TMEM232: variants seen among roughly 807,000 people sequenced by gnomAD.
TMEM232 encodes transmembrane protein 232.
In TMEM232, 80 loss-of-function variants were observed where a neutral mutation model predicts 78.8. The observed-to-expected ratio is 1.01, with a 90% confidence interval of 0.85 to 1.22. The LOEUF (loss-of-function observed/expected upper bound fraction) is 1.22, where lower values mean the gene tolerates loss of function less well. Ranked by LOEUF, TMEM232 falls within the 50% of genes most tolerant of loss-of-function variation. TMEM232 has a pLI of 0.00. For synonymous variants in TMEM232, 297 were observed against 254.3 expected (o/e 1.17, Z -1.60); for missense variants, 881 against 742.2 (o/e 1.19, Z -2.17).
chr5:110,396,321 G>T (rs747255040), intron 3 of TMEM232, among the ~76,000 whole-genome samples: 94 of 152,236 alleles, frequency 6.2e-4, no homozygotes, highest in Non-Finnish European at 1.1e-3. Flanking sequence ...TTCAACATGA[G>T]ATTTGGGTGG....
chr5:110,690,413 A>T (rs1478872561), intron 1 of TMEM232, among the ~76,000 whole-genome samples: 1 of 152,194 alleles, frequency 6.6e-6, no homozygotes, highest in Non-Finnish European at 1.5e-5. Flanking sequence ...GCAAATCAAA[A>T]CCACAATGAG....
At chr5:110,737,585 T>C (rs1799319351) in intron 1 of TMEM232, among the ~76,000 whole-genome samples, 1 of 152,198 alleles carries the variant, frequency 6.6e-6, no homozygotes, top group East Asian at 1.9e-4. Flanking sequence ...GAAAGATAAT[T>C]AAGATTTACC....
In TMEM232 at chr5:110,605,092, A is replaced by C. The variant is rs1781382172; in HGVS notation, c.1276+17T>G. 1 of 1,518,192 alleles carries C rather than the reference A, an allele frequency of 6.6e-7. No homozygotes were observed. Among genetic ancestry groups the C allele is most frequent in the South Asian group, 1.3e-5 (1 of 79,402 alleles). The allele number at this position is 1,518,192 out of a possible 1,614,324, so 94.0% of individuals were successfully genotyped here. On this transcript the variant is annotated intron_variant, in intron 10 of 13. Transcript: ENST00000455884. The stretch of plus-strand genomic sequence containing the variant: ...CTTAAAAATATTACTCATCAAAGTA[A>C]AAAACAATCTACTTACAGTTCTCTG...
intron 8 of TMEM232, among the ~76,000 whole-genome samples, chr5:110,612,576 A>G (rs1229021632): frequency 2.0e-5 from 3 of 152,152 alleles, no homozygotes; most frequent in Non-Finnish European, 4.4e-5. Context: ...GCTGAAAAGG[A>G]AGTGCCTTGC....
At chr5:110,449,522 C>CT (rs112373624) in intron 12 of TMEM232, among the ~76,000 whole-genome samples, 11,025 of 147,210 alleles carry the variant, frequency 0.075, 805 homozygotes, top group East Asian at 0.22. Flanking sequence ...TTTGCTGAGA[C>CT]TTTTTTTTTT....
At chr5:110,451,857 T>C (rs2416237) in intron 12 of TMEM232, among the ~76,000 whole-genome samples, 15,793 of 152,078 alleles carry the variant, frequency 0.1, 2,020 homozygotes, top group African/African-American at 0.31. Context: ...ATATTTTAAG[T>C]ATGATATCTT....
chr5:110,528,443 T>C (rs996881630), intron 12 of TMEM232, 145 bp downstream of exon 12: 9 of 584,642 alleles, frequency 1.5e-5, no homozygotes, highest in South Asian at 9.6e-5. Flanking sequence ...AGCTCAATGA[T>C]AGATCATCTA....
chr5:110,700,379 A>T (rs1795291650), intron 1 of TMEM232, among the ~76,000 whole-genome samples: 1 of 152,052 alleles, frequency 6.6e-6, no homozygotes, highest in Non-Finnish European at 1.5e-5. Flanking sequence ...CACCAAATAA[A>T]TTGGGATTGC....
intron 8 of TMEM232, among the ~76,000 whole-genome samples, chr5:110,613,487 G>A (rs1462449735): frequency 2.6e-5 from 4 of 152,052 alleles, no homozygotes; most frequent in African/African-American, 9.7e-5. Flanking sequence ...TTACTTTCCT[G>A]AAATGTACGG....
chr5:110,726,107 TTCACA>T (rs1798123072), intron 1 of TMEM232, among the ~76,000 whole-genome samples: 3 of 100,132 alleles, frequency 3.0e-5, no homozygotes, highest in African/African-American at 2.1e-4. Context: ...CCCTCTCTCT[TTCACA>T]CACACACACA....
chr5:110,455,848 G>A (rs570811721), intron 12 of TMEM232, among the ~76,000 whole-genome samples: 11 of 152,146 alleles, frequency 7.2e-5, no homozygotes, highest in Admixed American at 3.3e-4. Flanking sequence ...AAGAAAAACC[G>A]TTATAGGTCT....
chr5:110,598,859 T>G, intron 10 of TMEM232, among the ~76,000 whole-genome samples: 1 of 93,892 alleles, frequency 1.1e-5, no homozygotes, highest in Non-Finnish European at 2.0e-5. Flanking sequence ...TGGGGACTGT[T>G]GTGGGGTGGG....
At chr5:110,597,843 C>T (rs756595266) in intron 10 of TMEM232, among the ~76,000 whole-genome samples, 74 of 152,274 alleles carry the variant, frequency 4.9e-4, no homozygotes, top group Non-Finnish European at 8.4e-4. Flanking sequence ...CCCTTCCCTA[C>T]ACCTTATACA....
At chr5:110,487,314 C>T (rs1024719586) in intron 12 of TMEM232, among the ~76,000 whole-genome samples, 1 of 152,038 alleles carries the variant, frequency 6.6e-6, no homozygotes, top group African/African-American at 2.4e-5. Context: ...TTTCTCTTGT[C>T]TGATTGCTCT....
upstream of TMEM232, chr5:110,738,833 GTGTT>G (rs1294869321): frequency 1.2e-5 from 7 of 601,966 alleles, no homozygotes. Context: ...CTTTGGTACT[GTGTT>G]TCATTAATCC....
rs144117499 is a variant in TMEM232, at chr5:110,454,787, T to C, written c.1704-29871A>G. 3.2e-4 allele frequency among the ~76,000 whole-genome samples: 48 copies of C among 150,648 alleles called. 1 individual carries two copies. Among genetic ancestry groups the C allele is most frequent in the Admixed American group, 2.5e-3 (38 of 15,120 alleles). On this transcript the variant is annotated intron_variant, in intron 12 of 13. Transcript: ENST00000455884. Reference sequence around the variant, plus strand: ...CTAAGCCTCCACTTTAAGAAACTGGTAAAGAAAAGCAAATTAAACCCTTAG... The same window carrying C: ...CTAAGCCTCCACTTTAAGAAACTGGCAAAGAAAAGCAAATTAAACCCTTAG...
chr5:110,465,927 G>C (rs1762026924), intron 12 of TMEM232, among the ~76,000 whole-genome samples: 1 of 151,978 alleles, frequency 6.6e-6, no homozygotes, highest in East Asian at 1.9e-4. Context: ...CAATAAACAA[G>C]ACAGAAAATC....
At position 110,640,936 on chromosome 5, in the gene TMEM232, T is replaced by C. The variant is rs1310610922; in HGVS notation, c.298A>G (p.Thr100Ala). Residue 100 changes from threonine (T) to alanine (A), a missense_variant, in exon 4 of 14, where the codon ACT becomes GCT. Physicochemically the swap from Thr to Ala is moderately conservative, Grantham distance 58. Coordinates refer to ENST00000455884, the MANE Select transcript of TMEM232 (RefSeq NM_001039763.4). ...CATTGAGCCAGATATATTACTTCAG[T>C]CCATGCAGCAGGAAGATGCACATGC... ...GRHVHLPAAW[T>A]EVIYLAQCKG... 2.6e-6 allele frequency: 4 copies of C among 1,541,892 alleles called. No individual in the cohort carries two copies. Among genetic ancestry groups the C allele is most frequent in the Admixed American group, 2.0e-5 (1 of 50,146 alleles).
intron 2 of TMEM232, chr5:110,397,950 C>T (rs903331657): frequency 6.6e-6 from 1 of 152,524 alleles, no homozygotes; most frequent in African/African-American, 2.4e-5. Flanking sequence ...GAATACAATT[C>T]ACCATAGGAG....
Sources: allele counts gnomAD v4.1 joint callset (sites outside exome capture counted in the v4.1 genomes callset), GRCh38; gene constraint gnomAD v4.1.1; transcripts MANE v1.5; gene names NCBI Gene and HGNC (gene_info 2026-07-23, HGNC 2026-07-21).